The following KLF8 variants were observed in gnomAD, a reference collection of about 807,000 sequenced individuals.
KLF8 encodes Krueppel-like factor 8.
A neutral mutation model predicts 18.2 loss-of-function variants in KLF8; 10 were observed. The observed-to-expected ratio is 0.55, with a 90% CI of 0.34 to 0.93. KLF8 has a LOEUF of 0.93. Among genes scored for constraint, KLF8 ranks in the 40% least tolerant of loss-of-function variants. The pLI is 0.02. For missense variants in KLF8, 264 were observed against 277.9 expected, an observed-to-expected ratio of 0.95 and a Z score of 0.36; for synonymous variants, 109 against 97.3, an observed-to-expected ratio of 1.12 and a Z score of -0.71.
chrX:56,045,902 G>T, the KLF8 span, among the ~76,000 whole-genome samples: 1 of 111,572 alleles, frequency 9.0e-6, no homozygotes, highest in African/African-American at 3.3e-5. Flanking sequence ...AGTGGTGAAA[G>T]CAGGCATCGT....
the KLF8 span, among the ~76,000 whole-genome samples, chrX:55,979,664 C>A: frequency 4.5e-5 from 5 of 111,960 alleles, no homozygotes; most frequent in African/African-American, 1.6e-4. Context: ...AGGACTGAAG[C>A]TGAGGTCAGA....
At chrX:56,136,152 T>A in the KLF8 span, among the ~76,000 whole-genome samples, 3 of 111,656 alleles carry the variant, frequency 2.7e-5, no homozygotes, top group African/African-American at 9.8e-5. Context: ...GAAGAATCAA[T>A]ATTGTGAAAA....
chrX:56,181,215 A>T, the KLF8 span, among the ~76,000 whole-genome samples: 1 of 111,429 alleles, frequency 9.0e-6, no homozygotes, highest in African/African-American at 3.3e-5. Flanking sequence ...ACCATTATGT[A>T]ATGGCCTTTT....
At chrX:56,056,558 C>T in the KLF8 span, among the ~76,000 whole-genome samples, 1 of 96,381 alleles carries the variant, frequency 1.0e-5, no homozygotes, top group African/African-American at 3.9e-5. Context: ...AACAAAAAAC[C>T]AAACACCGCA....
the KLF8 span, among the ~76,000 whole-genome samples, chrX:56,184,494 C>T: frequency 8.9e-6 from 1 of 112,321 alleles, no homozygotes; most frequent in Non-Finnish European, 1.9e-5. Flanking sequence ...CTGAAATGTC[C>T]CTTTCTGACA....
At chrX:55,982,524 T>C in the KLF8 span, among the ~76,000 whole-genome samples, 1 of 112,079 alleles carries the variant, frequency 8.9e-6, no homozygotes, top group African/African-American at 3.2e-5. Flanking sequence ...TTTCTTCCAA[T>C]GTTACTCTAC....
At chrX:56,058,279 C>CATATATATATATATATATATATAT in the KLF8 span, among the ~76,000 whole-genome samples, 1 of 7,297 alleles carries the variant, frequency 1.4e-4, no homozygotes. Flanking sequence ...CATATATATA[C>CATATATATATATATATATATATAT]ATATATATAT....
chrX:56,164,793 G>A, the KLF8 span, among the ~76,000 whole-genome samples: 1 of 72,316 alleles, frequency 1.4e-5, no homozygotes, highest in Non-Finnish European at 2.5e-5. Context: ...GGGTACATGT[G>A]CACATTGTGC....
chrX:56,198,534 A>T, the KLF8 span, among the ~76,000 whole-genome samples: 1 of 112,123 alleles, frequency 8.9e-6, no homozygotes, highest in Non-Finnish European at 1.9e-5. Flanking sequence ...TTTACAAGGG[A>T]TGTGAAGAAC....
intron 5 of KLF8, among the ~76,000 whole-genome samples, chrX:56,278,347 G>C: frequency 9.0e-6 from 1 of 110,685 alleles, no homozygotes; most frequent in Non-Finnish European, 1.9e-5. Flanking sequence ...GGGGACCAAG[G>C]GCTCTTTAGT....
the KLF8 span, among the ~76,000 whole-genome samples, chrX:56,125,432 G>T: frequency 8.9e-6 from 1 of 112,032 alleles, no homozygotes; most frequent in East Asian, 2.8e-4. Context: ...TAGACAAGAG[G>T]ATTCCATGTG....
the KLF8 span, among the ~76,000 whole-genome samples, chrX:55,946,038 A>G: frequency 8.9e-6 from 1 of 112,019 alleles, no homozygotes; most frequent in African/African-American, 3.2e-5. Context: ...AAGAATCAAT[A>G]TCATGAAAAT....
chrX:56,231,290 T>A (rs191675436), upstream of KLF8, among the ~76,000 whole-genome samples: 247 of 111,809 alleles, frequency 2.2e-3, no homozygotes, highest in South Asian at 5.3e-3. Flanking sequence ...ACAGAAGACA[T>A]TCAGGCAGAA....
chrX:56,229,417 C>T (rs752696180), upstream of KLF8, among the ~76,000 whole-genome samples: 10 of 111,759 alleles, frequency 8.9e-5, no homozygotes, highest in Non-Finnish European at 1.9e-4. Flanking sequence ...TTGAAAATAT[C>T]GCAGGTTGCT....
chrX:56,258,615 A>G (rs1353349269), intron 2 of KLF8, among the ~76,000 whole-genome samples: 1 of 112,481 alleles, frequency 8.9e-6, no homozygotes, highest in Non-Finnish European at 1.9e-5. Flanking sequence ...CCTAAGTATA[A>G]TTCTAGAAAT....
At chrX:56,272,665 A>G (rs373071233) in intron 5 of KLF8, among the ~76,000 whole-genome samples, 2 of 111,044 alleles carry the variant, frequency 1.8e-5, no homozygotes, top group East Asian at 5.7e-4. Context: ...CAATAGGCTT[A>G]GTTGCTTTAG....
the KLF8 span, among the ~76,000 whole-genome samples, chrX:56,186,604 A>G: frequency 9.0e-6 from 1 of 111,701 alleles, no homozygotes; most frequent in South Asian, 3.7e-4. Context: ...CACCTATTCC[A>G]AAATTGACCA....
At chrX:56,277,403 T>G (rs1221531701) in intron 5 of KLF8, among the ~76,000 whole-genome samples, 3 of 112,043 alleles carry the variant, frequency 2.7e-5, no homozygotes, top group African/African-American at 9.7e-5. Context: ...TCTTGCAGAC[T>G]TGTAGAGGTT....
At chrX:56,145,665 C>A in the KLF8 span, among the ~76,000 whole-genome samples, 1 of 111,807 alleles carries the variant, frequency 8.9e-6, no homozygotes, top group African/African-American at 3.3e-5. Context: ...CATGAATGAA[C>A]CTTAAAAACA....
Sources: gnomAD v4.1 joint callset for allele counts (sites outside exome capture counted in the v4.1 genomes callset) on GRCh38, gnomAD v4.1.1 for gene constraint, MANE v1.5 for transcripts, NCBI Gene and HGNC (gene_info 2026-07-23, HGNC 2026-07-21) for gene names.